The following OPRD1 variants were observed in gnomAD, a reference collection of about 807,000 sequenced individuals.
OPRD1 encodes the protein opioid receptor delta 1, also known as delta-type opioid receptor.
OPRD1 carries 19 observed loss-of-function variants against 17.5 expected under a neutral mutation model. The ratio of observed to expected loss-of-function variants is 1.09; its 90% CI spans 0.76 to 1.60. The LOEUF is 1.60. OPRD1 is among the 40% of genes most tolerant of loss of function. The probability of loss-of-function intolerance (pLI) is 0.00; values close to 1 mark genes in which losing one functional copy is unlikely to be tolerated. For synonymous variants in OPRD1, 256 were observed against 240.9 expected, an observed-to-expected ratio of 1.06 and a Z score of -0.58; for missense variants, 483 against 547.2, an observed-to-expected ratio of 0.88 and a Z score of 1.17.
chr1:28,865,486 G>A lies in OPRD1; in HGVS notation c.*2203G>A, dbSNP rs1339750953. The A allele has an allele frequency of 2.6e-5, 4 of 152,326 alleles. No homozygotes were observed. In the East Asian group the frequency reaches 7.7e-4, roughly 29 times the overall value. The allele number at this position is 152,326 out of a possible 1,614,324, so 9.4% of individuals were successfully genotyped here. A position where few individuals can be genotyped will look rare whatever the true frequency, so the allele number is the denominator to read the frequency against. ...GGCTGGGGACTTAGGCACCAAGAGG[G>A]GCTTTGGGCACATTAGGGGGAAGGG... is the stretch of plus-strand genomic sequence containing the variant. On this transcript the variant is annotated 3_prime_UTR_variant, in exon 3 of 3. Coordinates refer to ENST00000234961, the MANE Select transcript of OPRD1 (RefSeq NM_000911.4).
chr1:28,850,999 G>A (rs911890263), intron 1 of OPRD1, among the ~76,000 whole-genome samples: 2 of 151,926 alleles, frequency 1.3e-5, no homozygotes, highest in Non-Finnish European at 2.9e-5. Flanking sequence ...GTATGAGAAC[G>A]TTTTATACTG....
chr1:28,814,577 C>T (rs1210594540), intron 1 of OPRD1, among the ~76,000 whole-genome samples: 1 of 152,208 alleles, frequency 6.6e-6, no homozygotes, highest in Admixed American at 6.5e-5. Flanking sequence ...AGCCGAGCGT[C>T]GGTGTGTTCA....
At chr1:28,828,386 T>G (rs1169440914) in intron 1 of OPRD1, among the ~76,000 whole-genome samples, 4 of 152,178 alleles carry the variant, frequency 2.6e-5, no homozygotes, top group Admixed American at 6.6e-5. Flanking sequence ...TGTAAACAGA[T>G]GTGCTGTCAT....
chr1:28,855,999 G>A (rs2089054417), intron 1 of OPRD1, among the ~76,000 whole-genome samples: 2 of 152,244 alleles, frequency 1.3e-5, no homozygotes, highest in Admixed American at 6.5e-5. Context: ...TGCAGGAACA[G>A]CCTTAGCTGA....
chr1:28,823,219 T>C (rs1006885071), intron 1 of OPRD1, among the ~76,000 whole-genome samples: 7 of 131,512 alleles, frequency 5.3e-5, no homozygotes, highest in African/African-American at 2.1e-4. Flanking sequence ...TTTTTTGACA[T>C]GGAGCCTCAC....
intron 1 of OPRD1, among the ~76,000 whole-genome samples, chr1:28,816,387 AG>A (rs2088671365): frequency 6.6e-6 from 1 of 152,080 alleles, no homozygotes; most frequent in South Asian, 2.1e-4. Flanking sequence ...GGGGAAACTG[AG>A]TCAAAAGCTG....
intron 1 of OPRD1, among the ~76,000 whole-genome samples, chr1:28,842,738 C>G (rs1214892121): frequency 1.3e-5 from 2 of 152,058 alleles, no homozygotes; most frequent in African/African-American, 2.4e-5. Flanking sequence ...GTCCCTACCC[C>G]CTGATTGGAT....
At chr1:28,840,597 C>T (rs770131690) in intron 1 of OPRD1, among the ~76,000 whole-genome samples, 5 of 152,156 alleles carry the variant, frequency 3.3e-5, no homozygotes, top group Non-Finnish European at 5.9e-5. Flanking sequence ...GAATAATAAA[C>T]ACTGTCTGCC....
chr1:28,849,953 C>A (rs1451705914), intron 1 of OPRD1, among the ~76,000 whole-genome samples: 1 of 148,480 alleles, frequency 6.7e-6, no homozygotes, highest in African/African-American at 2.5e-5. Context: ...GATCTCGGCT[C>A]ACTGCAAGCT....
intron 1 of OPRD1, among the ~76,000 whole-genome samples, chr1:28,853,002 G>A (rs1350951937): frequency 6.6e-6 from 1 of 152,122 alleles, no homozygotes; most frequent in Non-Finnish European, 1.5e-5. Flanking sequence ...TTACAGACGT[G>A]AGCCACCGCG....
intron 1 of OPRD1, among the ~76,000 whole-genome samples, chr1:28,833,676 A>T (rs1013247107): frequency 1.3e-5 from 2 of 152,182 alleles, no homozygotes; most frequent in African/African-American, 4.8e-5. Flanking sequence ...AGCCAAGTCG[A>T]CACATCAGAC....
chr1:28,855,596 T>C (rs2089049808), intron 1 of OPRD1, among the ~76,000 whole-genome samples: 1 of 152,140 alleles, frequency 6.6e-6, no homozygotes, highest in Non-Finnish European at 1.5e-5. Context: ...GGGCCCTACC[T>C]GGCGGGCAAT....
At chr1:28,816,453 C>T (rs775855582) in intron 1 of OPRD1, among the ~76,000 whole-genome samples, 2 of 152,136 alleles carry the variant, frequency 1.3e-5, no homozygotes, top group Non-Finnish European at 2.9e-5. Context: ...AACGTAAGAA[C>T]CAGGAATCTC....
chr1:28,851,864 GAAA>G (rs71586865), intron 1 of OPRD1, among the ~76,000 whole-genome samples: 2 of 93,540 alleles, frequency 2.1e-5, no homozygotes, highest in African/African-American at 7.9e-5. Flanking sequence ...TCAAAAAAAA[GAAA>G]AAAAAAAAAA....
At chr1:28,824,704 C>T (rs1557569784) in intron 1 of OPRD1, among the ~76,000 whole-genome samples, 1 of 152,070 alleles carries the variant, frequency 6.6e-6, no homozygotes, top group Non-Finnish European at 1.5e-5. Context: ...TTTTGCAGAC[C>T]TCGTAGGAGG....
chr1:28,814,450 G>T (rs1049959133), intron 1 of OPRD1, among the ~76,000 whole-genome samples: 2 of 152,218 alleles, frequency 1.3e-5, no homozygotes, highest in Non-Finnish European at 2.9e-5. Flanking sequence ...CTAAAGAAGG[G>T]AGCTTGAGGG....
chr1:28,838,516 G>C (rs2088871789), intron 1 of OPRD1, among the ~76,000 whole-genome samples: 1 of 152,116 alleles, frequency 6.6e-6, no homozygotes, highest in African/African-American at 2.4e-5. Context: ...TTCCAGCACT[G>C]AAGTTCCAAC....
intron 1 of OPRD1, among the ~76,000 whole-genome samples, chr1:28,829,924 G>C (rs542299617): frequency 2.4e-4 from 37 of 152,032 alleles, no homozygotes; most frequent in Non-Finnish European, 3.8e-4. Context: ...TCCCAGGCTG[G>C]TCTTGAACTC....
At chr1:28,847,409 G>A (rs953320054) in intron 1 of OPRD1, among the ~76,000 whole-genome samples, 4 of 152,142 alleles carry the variant, frequency 2.6e-5, no homozygotes, top group African/African-American at 9.7e-5. Context: ...CCAGGGCAGA[G>A]GTCCAGCCCA....
Sources: allele counts gnomAD v4.1 joint callset (sites outside exome capture counted in the v4.1 genomes callset), GRCh38; gene constraint gnomAD v4.1.1; transcripts MANE v1.5; gene names NCBI Gene and HGNC (gene_info 2026-07-23, HGNC 2026-07-21).